The following MBNL1 variants were observed in gnomAD, a reference collection of about 807,000 sequenced individuals.
MBNL1 encodes the protein muscleblind-like protein 1.
MBNL1 carries 8 observed loss-of-function variants against 42.2 expected under a neutral mutation model. The ratio of observed to expected loss-of-function variants is 0.19; its 90% CI spans 0.11 to 0.34. The LOEUF (loss-of-function observed/expected upper bound fraction) is 0.34. MBNL1 is among the 10% of genes least tolerant of loss of function. The probability of loss-of-function intolerance (pLI) is 1.00; values close to 1 mark genes in which losing one functional copy is unlikely to be tolerated. For synonymous variants in MBNL1, 169 were observed against 173.9 expected (o/e 0.97, Z 0.22); for missense variants, 309 against 495.3 (o/e 0.62, Z 3.57).
At position 152,395,209 on chromosome 3, in the gene MBNL1, G is replaced by A. The variant is rs79883231; in HGVS notation, c.175-19732G>A. Among the ~76,000 whole-genome samples, 1,433 of 152,224 alleles carry A rather than the reference G, an allele frequency of 9.4e-3. 10 individuals are homozygous for A. Among genetic ancestry groups the A allele is most frequent in the Non-Finnish European group, 0.016 (1,061 of 68,000 alleles). The stretch of plus-strand genomic sequence containing the variant: ...TCACAGTCTATAAAACAAAAATATG[G>A]ATAAGTAGTTTTTATCCTGTGAGAA... On this transcript the variant is annotated intron_variant, in intron 2 of 9. Coordinates refer to ENST00000324210, the MANE Select transcript of MBNL1 (RefSeq NM_021038.5).
chr3:152,337,813 A>T (rs759230955), intron 2 of MBNL1, among the ~76,000 whole-genome samples: 2 of 152,044 alleles, frequency 1.3e-5, no homozygotes, highest in Admixed American at 1.3e-4. Context: ...TCATCTGATC[A>T]TAACAGAAAG....
chr3:152,364,596 A>G (rs1328316003), intron 2 of MBNL1, among the ~76,000 whole-genome samples: 1 of 152,052 alleles, frequency 6.6e-6, no homozygotes, highest in Non-Finnish European at 1.5e-5. Context: ...TATGGCCAGA[A>G]TTGGCTCATT....
At chr3:152,418,630 A>AG (rs1553917170) in intron 3 of MBNL1, among the ~76,000 whole-genome samples, 118 of 145,482 alleles carry the variant, frequency 8.1e-4, no homozygotes, top group African/African-American at 2.2e-3. Context: ...AAAAAAAAAA[A>AG]AGAGAGAGAG....
chr3:152,418,356 A>G (rs1580012612), intron 3 of MBNL1, among the ~76,000 whole-genome samples: 1 of 146,790 alleles, frequency 6.8e-6, no homozygotes, highest in African/African-American at 2.5e-5. Context: ...TGGCCAACTC[A>G]GGGTCCTTGG....
At chr3:152,316,425 T>G (rs2071484629) in intron 2 of MBNL1, among the ~76,000 whole-genome samples, 1 of 152,218 alleles carries the variant, frequency 6.6e-6, no homozygotes, top group African/African-American at 2.4e-5. Context: ...CTTAATTCCA[T>G]GTGAGTCAAC....
intron 2 of MBNL1, among the ~76,000 whole-genome samples, chr3:152,315,323 G>A (rs894829772): frequency 2.6e-5 from 4 of 152,110 alleles, no homozygotes; most frequent in Admixed American, 2.6e-4. Flanking sequence ...AAAATCAAGG[G>A]GGGGTTAACA....
chr3:152,257,320 C>G (rs1454213775), intron 2 of MBNL1, among the ~76,000 whole-genome samples: 1 of 152,102 alleles, frequency 6.6e-6, no homozygotes, highest in African/African-American at 2.4e-5. Flanking sequence ...TTGACATGAA[C>G]TAGATTCAGG....
rs938437005 is a variant in MBNL1, at chr3:152,370,672, T to A, written c.175-44269T>A. On this transcript the variant is annotated intron_variant, in intron 2 of 9. Transcript: ENST00000324210. ...GGTCTCTAAGAACTTGCTTATGAAT[T>A]GGGTGCTTCTGTATAGGGTGCCTAT... Among the ~76,000 whole-genome samples the A allele has an allele frequency of 2.6e-5, 4 of 152,068 alleles. No homozygotes were observed. In the South Asian group the frequency reaches 8.3e-4, roughly 32 times the overall value.
At chr3:152,289,885 T>A (rs2054853023) in intron 1 of MBNL1, among the ~76,000 whole-genome samples, 1 of 152,098 alleles carries the variant, frequency 6.6e-6, no homozygotes, top group Non-Finnish European at 1.5e-5. Flanking sequence ...GTGTATTACG[T>A]TGTGTCATGA....
At chr3:152,432,603 G>A (rs2099021580) in intron 3 of MBNL1, 114 bp from the exon 4 acceptor site, 4 of 849,730 alleles carry the variant, frequency 4.7e-6, no homozygotes, top group Non-Finnish European at 7.9e-6. Context: ...TAAAGGGAAG[G>A]AGGGAAGGCC....
chr3:152,424,888 G>C (rs2098890183), intron 3 of MBNL1, among the ~76,000 whole-genome samples: 1 of 152,088 alleles, frequency 6.6e-6, no homozygotes, highest in Non-Finnish European at 1.5e-5. Context: ...ACTGAAACTG[G>C]ACCCCTTTCT....
intron 2 of MBNL1, chr3:152,340,655 G>C (rs757494523): frequency 6.2e-7 from 1 of 1,614,018 alleles, no homozygotes; most frequent in Admixed American, 1.7e-5. Flanking sequence ...ATGTTCCAGA[G>C]TGTTAGAATC....
At chr3:152,293,531 G>A (rs998230775) in intron 1 of MBNL1, among the ~76,000 whole-genome samples, 1 of 152,184 alleles carries the variant, frequency 6.6e-6, no homozygotes, top group African/African-American at 2.4e-5. Flanking sequence ...TGAGCCAGGG[G>A]AAGAAGTTGT....
intron 2 of MBNL1, among the ~76,000 whole-genome samples, chr3:152,346,499 A>G (rs912949434): frequency 3.3e-5 from 5 of 152,116 alleles, no homozygotes; most frequent in Admixed American, 3.3e-4. Flanking sequence ...TTAAGTTATT[A>G]TCTTACAGAA....
At chr3:152,252,658 G>A (rs556944942) in intron 2 of MBNL1, among the ~76,000 whole-genome samples, 5 of 152,104 alleles carry the variant, frequency 3.3e-5, no homozygotes, top group Admixed American at 6.6e-5. Context: ...AAAAGTGACA[G>A]TTTCAGAAAA....
At chr3:152,408,131 G>A (rs1481448407) in intron 2 of MBNL1, among the ~76,000 whole-genome samples, 3 of 152,034 alleles carry the variant, frequency 2.0e-5, no homozygotes, top group East Asian at 3.9e-4. Flanking sequence ...TCCTGCACAG[G>A]TACCCCAGAA....
chr3:152,335,251 G>T (rs1388180861), intron 2 of MBNL1: 3 of 1,289,642 alleles, frequency 2.3e-6, no homozygotes, highest in East Asian at 1.1e-4. Flanking sequence ...AAGGCAATTG[G>T]GGAGCCAGTT....
At chr3:152,417,804 A>G (rs992264324) in intron 3 of MBNL1, among the ~76,000 whole-genome samples, 1 of 152,220 alleles carries the variant, frequency 6.6e-6, no homozygotes, top group Non-Finnish European at 1.5e-5. Context: ...AGAGGCTGCA[A>G]CATAGAATGG....
At chr3:152,244,452 T>C (rs974735605) in intron 2 of MBNL1, 1 of 152,192 alleles carries the variant, frequency 6.6e-6, no homozygotes, top group Non-Finnish European at 1.5e-5. Flanking sequence ...TAAGAACAAT[T>C]ATTTGCTATT....
Sources: gnomAD v4.1 joint callset for allele counts (sites outside exome capture counted in the v4.1 genomes callset) on GRCh38, gnomAD v4.1.1 for gene constraint, MANE v1.5 for transcripts, NCBI Gene and HGNC (gene_info 2026-07-23, HGNC 2026-07-21) for gene names.